XXYLT1: variants seen among roughly 807,000 people sequenced by gnomAD.
XXYLT1 encodes xyloside xylosyltransferase 1, also known as UDP-xylose:alpha-xyloside alpha-1,3-xylosyltransferase.
A neutral mutation model predicts 28.9 loss-of-function variants in XXYLT1; 20 were observed. The observed-to-expected ratio is 0.69, with a 90% CI of 0.49 to 1.00. The LOEUF (loss-of-function observed/expected upper bound fraction) is 1.00, where lower values mean the gene tolerates loss of function less well. Ranked by LOEUF, XXYLT1 falls within the 50% of genes least tolerant of loss-of-function variation. XXYLT1 has a pLI of 0.00. For synonymous variants in XXYLT1, 257 were observed against 253.8 expected (o/e 1.01, Z -0.12); for missense variants, 542 against 560.1 (o/e 0.97, Z 0.33).
intron 1 of XXYLT1, among the ~76,000 whole-genome samples, chr3:195,261,356 C>T (rs2108854681): frequency 6.6e-6 from 1 of 152,302 alleles, no homozygotes; most frequent in South Asian, 2.1e-4. Context: ...ATCGCTTGAA[C>T]CCGGGACATG....
At position 195,082,331 on chromosome 3, in the gene XXYLT1, C is replaced by T. The variant is rs538578377; in HGVS notation, c.786-12220G>A. Among the ~76,000 whole-genome samples, 17 of 152,314 alleles carry T rather than the reference C, an allele frequency of 1.1e-4. No individual in the cohort carries two copies. The South Asian group carries it at 1.2e-3, about 11-fold the overall frequency. On this transcript the variant is annotated intron_variant, in intron 3 of 3. Coordinates refer to ENST00000310380, the MANE Select transcript of XXYLT1 (RefSeq NM_152531.5). ...GATGAGTCTCAGGCGTTTGCCTCCC[C>T]GTCAGCCCCCCTCCCTGGTGGTCTT...
At chr3:195,244,490 G>A (rs555835386) in intron 1 of XXYLT1, among the ~76,000 whole-genome samples, 21 of 152,204 alleles carry the variant, frequency 1.4e-4, no homozygotes, top group Admixed American at 7.8e-4. Flanking sequence ...GGCCGGGCGC[G>A]GTGGCTCATG....
At chr3:195,131,403 T>C (rs948733262) in intron 3 of XXYLT1, among the ~76,000 whole-genome samples, 1 of 152,260 alleles carries the variant, frequency 6.6e-6, no homozygotes, top group Admixed American at 6.5e-5. Context: ...TGCAGCTAGC[T>C]GTTATAGAGC....
At chr3:195,218,524 C>A (rs1577160477) in intron 2 of XXYLT1, among the ~76,000 whole-genome samples, 1 of 150,288 alleles carries the variant, frequency 6.7e-6, no homozygotes, top group Non-Finnish European at 1.5e-5. Context: ...AGACACTTCT[C>A]AAAAGAAGAC....
At chr3:195,073,988 C>T (rs1234290908) in intron 3 of XXYLT1, among the ~76,000 whole-genome samples, 1 of 152,116 alleles carries the variant, frequency 6.6e-6, no homozygotes, top group Non-Finnish European at 1.5e-5. Flanking sequence ...TCTAAGGGCT[C>T]GTCCTCCCCA....
At chr3:195,223,916 G>GGAGGCC (rs1723935111) in intron 2 of XXYLT1, among the ~76,000 whole-genome samples, 1 of 152,144 alleles carries the variant, frequency 6.6e-6, no homozygotes, top group African/African-American at 2.4e-5. Context: ...CAGCACTTTG[G>GGAGGCC]GAGGCCGAGG....
rs2108643233 is a variant in XXYLT1, at chr3:195,077,661, G to C, written c.786-7550C>G. Among the ~76,000 whole-genome samples, 1 of 152,300 alleles carries C rather than the reference G, an allele frequency of 6.6e-6. No homozygotes were observed. The highest frequency in any genetic ancestry group is 1.9e-4 in the East Asian group (1 of 5,170). On this transcript the variant is annotated intron_variant, in intron 3 of 3. Coordinates refer to ENST00000310380, the MANE Select transcript of XXYLT1 (RefSeq NM_152531.5). This position sits in a 1 kb window ranked among gnomAD's most constrained non-coding sequence, Gnocchi z 4.8. ...GGCCTGGGGCTGGACGTCGTAGGGG[G>C]TGAATGGCCCTGATGGCAAGGCCTC...
chr3:195,236,281 C>T (rs1724543849), intron 1 of XXYLT1, among the ~76,000 whole-genome samples: 1 of 152,162 alleles, frequency 6.6e-6, no homozygotes, highest in Non-Finnish European at 1.5e-5. Context: ...CTCTATTCTA[C>T]TGCGGTTAAG....
intron 3 of XXYLT1, among the ~76,000 whole-genome samples, chr3:195,146,238 G>T (rs998475812): frequency 6.6e-6 from 1 of 152,188 alleles, no homozygotes; most frequent in Non-Finnish European, 1.5e-5. Flanking sequence ...GTTACAGAAG[G>T]TCCCTCTTGT....
Position 195,270,544 on chromosome 3 carries a change from G to A in XXYLT1, c.504+11C>T. On this transcript the variant is annotated intron_variant, in intron 1 of 3. Transcript: ENST00000310380. ...CCACCCACCGGGAGCCCCCAGCCGC[G>A]GCCCGCTCACCTTGCACTTGAAGCC... The A allele has an allele frequency of 2.2e-6, 3 of 1,376,738 alleles. No individual in the cohort carries two copies. The highest frequency in any genetic ancestry group is 3.4e-5 in the Admixed American group (1 of 29,322). The allele number at this position is 1,376,738 out of a possible 1,614,324, so 85.3% of individuals were successfully genotyped here. A position where few individuals can be genotyped will look rare whatever the true frequency, so the allele number is the denominator to read the frequency against.
chr3:195,166,672 AT>A (rs201407714), intron 2 of XXYLT1, among the ~76,000 whole-genome samples: 4,701 of 146,174 alleles, frequency 0.032, 95 homozygotes, highest in Non-Finnish European at 0.044. Context: ...AATATGGGCC[AT>A]TTTTTTTTTT....
intron 2 of XXYLT1, among the ~76,000 whole-genome samples, chr3:195,212,293 C>T (rs540665265): frequency 3.0e-4 from 45 of 152,236 alleles, no homozygotes; most frequent in Admixed American, 2.1e-3. Flanking sequence ...GGATCGGATC[C>T]GACAGGATGG....
chr3:195,122,572 AG>A (rs1369867415), intron 3 of XXYLT1, among the ~76,000 whole-genome samples: 2 of 152,136 alleles, frequency 1.3e-5, no homozygotes, highest in Non-Finnish European at 2.9e-5. Flanking sequence ...GCTGGGTCCT[AG>A]GAGAGCCCAC....
rs1490468092 is a variant in XXYLT1, at chr3:195,078,381, G to A, written c.786-8270C>T. Among the ~76,000 whole-genome samples, 1 of 152,082 alleles carries A rather than the reference G, an allele frequency of 6.6e-6. No homozygotes were observed. Among genetic ancestry groups the A allele is most frequent in the Non-Finnish European group, 1.5e-5 (1 of 68,012 alleles). The stretch of plus-strand genomic sequence containing the variant: ...GAGGCCCGTAGCGAGTCAGGCCATG[G>A]GGGCCTTTTCTGCTGTGGGAGCTCC... On this transcript the variant is annotated intron_variant, in intron 3 of 3. Transcript: ENST00000310380. This position sits in a 1 kb window ranked among gnomAD's most constrained non-coding sequence, Gnocchi z 5.0.
chr3:195,115,184 C>A lies in XXYLT1; in HGVS notation c.785+41265G>T, dbSNP rs1043923999. ...CGGGAACTAGTGTGCTCACATGAGACGTGCCCGGTGAGAATGTGGCTTCTG... is the reference window on the plus strand; with the variant it reads ...CGGGAACTAGTGTGCTCACATGAGAAGTGCCCGGTGAGAATGTGGCTTCTG... On this transcript the variant is annotated intron_variant, in intron 3 of 3. Coordinates refer to ENST00000310380, the MANE Select transcript of XXYLT1 (RefSeq NM_152531.5). The surrounding 1 kb of genome is among the most constrained non-coding windows in gnomAD (Gnocchi z 4.2). Among the ~76,000 whole-genome samples, 5 of 152,220 alleles carry A rather than the reference C, an allele frequency of 3.3e-5. No individual in the cohort carries two copies. The highest frequency in any genetic ancestry group is 6.5e-5 in the Admixed American group (1 of 15,284).
At chr3:195,070,152 A>G (rs372780540) in intron 3 of XXYLT1, 41 bp from the exon 4 acceptor site, 2 of 1,504,134 alleles carry the variant, frequency 1.3e-6, no homozygotes, top group East Asian at 4.6e-5. Context: ...TGTGCAGGGG[A>G]ACCAGCCTGC....
intron 3 of XXYLT1, among the ~76,000 whole-genome samples, chr3:195,132,607 G>C (rs1382018514): frequency 6.6e-6 from 1 of 152,200 alleles, no homozygotes; most frequent in African/African-American, 2.4e-5. Flanking sequence ...TGCAGTTTGA[G>C]AGGTAGGCAA....
Position 195,069,942 on chromosome 3 carries a change from C to T in XXYLT1, c.955G>A (p.Ala319Thr). 4 of 1,612,822 alleles carry T rather than the reference C, an allele frequency of 2.5e-6. No homozygotes were observed. The highest frequency in any genetic ancestry group is 2.5e-6 in the Non-Finnish European group (3 of 1,179,704). The change falls in exon 4 of 4, where the codon GCC becomes ACC. Residue 319 changes from alanine to threonine, a missense_variant. Coordinates refer to ENST00000310380, the MANE Select transcript of XXYLT1 (RefSeq NM_152531.5). ...TGGCCGCGGAAGTGGTACTTGTCGGCCAGCTGCTGCACCTGCGCCGGCTCC... is the reference window on the plus strand; with the variant it reads ...TGGCCGCGGAAGTGGTACTTGTCGGTCAGCTGCTGCACCTGCGCCGGCTCC... ...LLEPAQVQQL[A>T]DKYHFRGHLG...
chr3:195,256,242 C>G lies in XXYLT1; in HGVS notation c.504+14313G>C, dbSNP rs1725473223. The stretch of plus-strand genomic sequence containing the variant: ...CCTCTTCCTAGGGGAGACTAGCTAC[C>G]CCTCACAGGCCTGGCTGCTCCAAGG... On this transcript the variant is annotated intron_variant, in intron 1 of 3. Coordinates refer to ENST00000310380, the MANE Select transcript of XXYLT1 (RefSeq NM_152531.5). This position sits in a 1 kb window ranked among gnomAD's most constrained non-coding sequence, Gnocchi z 4.2. Among the ~76,000 whole-genome samples, 1 of 152,232 alleles carries G rather than the reference C, an allele frequency of 6.6e-6. No individual in the cohort carries two copies. The highest frequency in any genetic ancestry group is 6.5e-5 in the Admixed American group (1 of 15,288).
Sources: gnomAD v4.1 joint callset for allele counts (sites outside exome capture counted in the v4.1 genomes callset) on GRCh38, gnomAD v4.1.1 for gene constraint, Gnocchi (gnomAD v3.1) non-coding constraint, MANE v1.5 for transcripts, NCBI Gene and HGNC (gene_info 2026-07-23, HGNC 2026-07-21) for gene names.